UBE2L3: variants seen among roughly 807,000 people sequenced by gnomAD.
UBE2L3 encodes ubiquitin conjugating enzyme E2 L3, also known as ubiquitin-conjugating enzyme E2 L3.
In UBE2L3, 1 loss-of-function variant was observed where a neutral mutation model predicts 17.8. That is an observed-to-expected ratio of 0.06 (90% CI 0.02 to 0.27). The LOEUF (loss-of-function observed/expected upper bound fraction) is 0.27. Among genes scored for constraint, UBE2L3 ranks in the 10% least tolerant of loss-of-function variants. The pLI, the probability that UBE2L3 is intolerant of heterozygous loss-of-function variation, is 1.00. For missense variants in UBE2L3, 40 were observed against 192.6 expected (o/e 0.21, Z 4.69); for synonymous variants, 44 against 68.5 (o/e 0.64, Z 1.76).
In UBE2L3 at chr22:21,606,306, G is replaced by C. The variant is rs1003537226; in HGVS notation, c.124-4551G>C. The stretch of plus-strand genomic sequence containing the variant: ...TGCAGGAAAGTGTGCGCGCGCGCGT[G>C]TGTGTGGTATGTGTGTGTGTGTGTG... On this transcript the variant is annotated intron_variant, in intron 2 of 3. Transcript: ENST00000342192. Among the ~76,000 whole-genome samples, 3 of 151,908 alleles carry C rather than the reference G, an allele frequency of 2.0e-5. No homozygotes were observed. In the South Asian group the frequency reaches 6.3e-4, roughly 32 times the overall value.
At chr22:21,556,938 C>T (rs1426255869) in intron 1 of UBE2L3, among the ~76,000 whole-genome samples, 1 of 152,230 alleles carries the variant, frequency 6.6e-6, no homozygotes, top group African/African-American at 2.4e-5. Flanking sequence ...CCTGTAATCC[C>T]AGCTACTCGG....
intron 1 of UBE2L3, among the ~76,000 whole-genome samples, chr22:21,560,482 G>A (rs1409407950): frequency 0.017 from 2,035 of 116,708 alleles, 26 homozygotes; most frequent in African/African-American, 0.065. Context: ...ATGGAGTCTC[G>A]TTCTATCATC....
intron 1 of UBE2L3, among the ~76,000 whole-genome samples, chr22:21,583,986 C>T (rs1401911312): frequency 6.6e-6 from 1 of 152,088 alleles, no homozygotes; most frequent in African/African-American, 2.4e-5. Flanking sequence ...AGCGATTCTC[C>T]TGCCTCAGCC....
At chr22:21,615,367 A>C (rs1929711420) in intron 3 of UBE2L3, among the ~76,000 whole-genome samples, 1 of 151,940 alleles carries the variant, frequency 6.6e-6, no homozygotes, top group Non-Finnish European at 1.5e-5. Context: ...CATCCTGGCT[A>C]ACATGGTGAA....
chr22:21,604,596 A>G (rs574697412), intron 2 of UBE2L3, among the ~76,000 whole-genome samples: 1 of 152,226 alleles, frequency 6.6e-6, no homozygotes, highest in Admixed American at 6.5e-5. Flanking sequence ...TAATATATAT[A>G]TTTTTTACAA....
intron 3 of UBE2L3, among the ~76,000 whole-genome samples, chr22:21,613,045 AC>A (rs1260101786): frequency 6.6e-6 from 1 of 152,010 alleles, no homozygotes; most frequent in Admixed American, 6.6e-5. Flanking sequence ...ATGTCTGTTA[AC>A]CCATCGTGCC....
chr22:21,608,741 ATTT>A (rs779049247), intron 2 of UBE2L3, among the ~76,000 whole-genome samples: 1 of 109,858 alleles, frequency 9.1e-6, no homozygotes, highest in Non-Finnish European at 1.8e-5. Context: ...AATATATTTA[ATTT>A]TTTTTTTTTT....
Position 21,568,019 on chromosome 22 carries a change from C to A in UBE2L3, c.27+248C>A. 3.0e-6 allele frequency: 4 copies of A among 1,316,930 alleles called. No individual in the cohort carries two copies. In the South Asian group the frequency reaches 8.3e-5, roughly 27 times the overall value. The allele number at this position is 1,316,930 out of a possible 1,614,324, so 81.6% of individuals were successfully genotyped here. A position where few individuals can be genotyped will look rare whatever the true frequency, so the allele number is the denominator to read the frequency against. On this transcript the variant is annotated intron_variant, in intron 1 of 3. Transcript: ENST00000342192. The stretch of plus-strand genomic sequence containing the variant: ...TCAGCCCGGCCCGGGGCGTTCACGC[C>A]ACTCTCCGCCCGGAGCTTGGCCGCG...
At chr22:21,574,311 G>A (rs370333051) in intron 1 of UBE2L3, among the ~76,000 whole-genome samples, 82 of 152,256 alleles carry the variant, frequency 5.4e-4, no homozygotes, top group African/African-American at 2.6e-4. Context: ...AGTGACCCTG[G>A]GCAAGTTACT....
chr22:21,567,530 C>A, upstream of UBE2L3: 2 of 1,038,842 alleles, frequency 1.9e-6, no homozygotes, highest in Non-Finnish European at 2.7e-6. Context: ...TAACTGCCAT[C>A]TGATTGGACG....
chr22:21,600,402 G>A (rs1405446148), intron 2 of UBE2L3, among the ~76,000 whole-genome samples: 1 of 149,824 alleles, frequency 6.7e-6, no homozygotes, highest in Non-Finnish European at 1.5e-5. Flanking sequence ...TAGTGTTGAA[G>A]TATTTGTTGC....
chr22:21,619,317 G>A (rs1428748940), intron 3 of UBE2L3, among the ~76,000 whole-genome samples: 1 of 152,202 alleles, frequency 6.6e-6, no homozygotes, highest in Non-Finnish European at 1.5e-5. Flanking sequence ...ACAGGGAGGT[G>A]ATACCACCTA....
At chr22:21,568,479 A>T (rs1026754609) in intron 1 of UBE2L3, 1 of 974,306 alleles carries the variant, frequency 1.0e-6, no homozygotes, top group Non-Finnish European at 1.2e-6. Context: ...TCCCTGATAA[A>T]GTGCCATTTT....
At chr22:21,563,160 C>A (rs1377274707), upstream of UBE2L3, among the ~76,000 whole-genome samples, 1 of 149,688 alleles carries the variant, frequency 6.7e-6, no homozygotes, top group Non-Finnish European at 1.5e-5. Flanking sequence ...GAAAATCGCT[C>A]GAACCCAGGA....
chr22:21,593,054 T>A, intron 2 of UBE2L3, 98 bp downstream of exon 2: 1 of 1,035,992 alleles, frequency 9.7e-7, no homozygotes, highest in Non-Finnish European at 1.5e-6. Context: ...GCTCTTAGTC[T>A]AGGCAGCCAG....
intron 1 of UBE2L3, among the ~76,000 whole-genome samples, chr22:21,557,570 TG>T (rs1275047090): frequency 1.3e-5 from 2 of 152,160 alleles, no homozygotes; most frequent in Non-Finnish European, 2.9e-5. Flanking sequence ...TCACCCAGGC[TG>T]GAGTGCAGTG....
At chr22:21,592,169 C>T (rs1027135968) in intron 1 of UBE2L3, among the ~76,000 whole-genome samples, 4 of 152,148 alleles carry the variant, frequency 2.6e-5, no homozygotes, top group African/African-American at 9.7e-5. Flanking sequence ...TGCAAGGGGT[C>T]CTGTTGCCCA....
chr22:21,602,815 C>T (rs1928935618), intron 2 of UBE2L3, among the ~76,000 whole-genome samples: 1 of 152,196 alleles, frequency 6.6e-6, no homozygotes, highest in Non-Finnish European at 1.5e-5. Context: ...GCCAGTTCCC[C>T]TCGTCCCCGC....
upstream of UBE2L3, among the ~76,000 whole-genome samples, chr22:21,567,083 AAAGT>A (rs139132401): frequency 7.7e-3 from 1,171 of 152,296 alleles, 19 homozygotes; most frequent in African/African-American, 0.027. Context: ...TTGACCTCTC[AAAGT>A]ATGTCCCCAC....
Sources: allele counts gnomAD v4.1 joint callset (sites outside exome capture counted in the v4.1 genomes callset), GRCh38; gene constraint gnomAD v4.1.1; transcripts MANE v1.5; gene names NCBI Gene and HGNC (gene_info 2026-07-23, HGNC 2026-07-21).